Variants in SNTG1 observed in about 807,000 individuals in gnomAD.
The protein encoded by SNTG1 is gamma-1-syntrophin.
In SNTG1, 39 loss-of-function variants were observed where a neutral mutation model predicts 74.7. That is an observed-to-expected ratio of 0.52 (90% confidence interval 0.40 to 0.68). SNTG1 has a LOEUF of 0.68. Among genes scored for constraint, SNTG1 ranks in the 30% least tolerant of loss-of-function variants. The pLI, the probability that SNTG1 is intolerant of heterozygous loss-of-function variation, is 0.00. For missense variants in SNTG1, 685 were observed against 609.5 expected (o/e 1.12, Z -1.30); for synonymous variants, 254 against 217.1 (o/e 1.17, Z -1.49).
chr8:50,754,867 T>C (rs1223386419), intron 18 of SNTG1, among the ~76,000 whole-genome samples: 1 of 151,986 alleles, frequency 6.6e-6, no homozygotes, highest in Non-Finnish European at 1.5e-5. Flanking sequence ...TCTATTTTCA[T>C]CGGTTCAATA....
At chr8:50,023,187 C>A (rs1816974560) in intron 1 of SNTG1, among the ~76,000 whole-genome samples, 1 of 152,044 alleles carries the variant, frequency 6.6e-6, no homozygotes, top group Non-Finnish European at 1.5e-5. Flanking sequence ...TGGAGAGGGA[C>A]AGATGGAAGA....
intron 2 of SNTG1, among the ~76,000 whole-genome samples, chr8:50,321,364 T>C (rs2090521457): frequency 6.6e-6 from 1 of 152,098 alleles, no homozygotes; most frequent in African/African-American, 2.4e-5. Flanking sequence ...CCTCTTTTTT[T>C]GGTTTTAATT....
At chr8:50,534,860 G>A (rs1276210610) in intron 10 of SNTG1, among the ~76,000 whole-genome samples, 1 of 152,114 alleles carries the variant, frequency 6.6e-6, no homozygotes, top group Non-Finnish European at 1.5e-5. Flanking sequence ...GTTGCAAGTG[G>A]TGTAAGTCAA....
intron 1 of SNTG1, among the ~76,000 whole-genome samples, chr8:50,092,846 T>C (rs2079790753): frequency 6.6e-6 from 1 of 152,144 alleles, no homozygotes; most frequent in African/African-American, 2.4e-5. Context: ...ATTCTAGTAA[T>C]GCAAAGATAA....
intron 18 of SNTG1, among the ~76,000 whole-genome samples, chr8:50,756,067 T>G (rs2095579673): frequency 6.6e-6 from 1 of 151,888 alleles, no homozygotes; most frequent in African/African-American, 2.4e-5. Flanking sequence ...GTAAGGTATC[T>G]GTTAATGTTT....
intron 15 of SNTG1, among the ~76,000 whole-genome samples, chr8:50,696,913 C>T (rs1349839307): frequency 6.6e-6 from 1 of 151,854 alleles, no homozygotes; most frequent in Non-Finnish European, 1.5e-5. Context: ...TTTATGATTG[C>T]TTTGGCTAAT....
At chr8:50,644,928 T>A (rs539229956) in intron 13 of SNTG1, among the ~76,000 whole-genome samples, 2 of 151,720 alleles carry the variant, frequency 1.3e-5, no homozygotes, top group Non-Finnish European at 2.9e-5. Context: ...GCTTTTTTTT[T>A]TTTTTTTTCC....
intron 18 of SNTG1, among the ~76,000 whole-genome samples, chr8:50,757,166 C>T (rs1001841759): frequency 2.3e-4 from 35 of 151,812 alleles, no homozygotes; most frequent in Admixed American, 7.2e-4. Flanking sequence ...GTTTTTATCA[C>T]GCATGAGTGT....
intron 2 of SNTG1, among the ~76,000 whole-genome samples, chr8:50,212,508 A>G (rs886528106): frequency 2.0e-5 from 3 of 152,180 alleles, no homozygotes; most frequent in African/African-American, 7.2e-5. Context: ...TGATGTATAC[A>G]GAAAGATACA....
chr8:50,321,232 A>G (rs926181550), intron 2 of SNTG1, among the ~76,000 whole-genome samples: 14 of 152,138 alleles, frequency 9.2e-5, no homozygotes, highest in African/African-American at 3.4e-4. Flanking sequence ...GGGTGCATAT[A>G]TATGAACAAT....
chr8:50,536,955 G>A (rs1395106350), intron 11 of SNTG1, 147 bp downstream of exon 11: 1 of 1,037,156 alleles, frequency 9.6e-7, no homozygotes, highest in Non-Finnish European at 1.4e-6. Flanking sequence ...ATCTAACAAA[G>A]TTAAACACTT....
intron 1 of SNTG1, among the ~76,000 whole-genome samples, chr8:49,990,344 C>A (rs1813560219): frequency 6.6e-6 from 1 of 151,882 alleles, no homozygotes; most frequent in Admixed American, 6.6e-5. Context: ...GGCAACACGT[C>A]CCATATTGAT....
chr8:50,499,435 T>TC (rs201231306), intron 8 of SNTG1, among the ~76,000 whole-genome samples: 7,979 of 150,872 alleles, frequency 0.053, 330 homozygotes, highest in South Asian at 0.18. Context: ...TTTTTTTTTT[T>TC]GGTAGATTCT....
At chr8:49,966,961 A>G (rs1811199082) in intron 1 of SNTG1, among the ~76,000 whole-genome samples, 3 of 152,180 alleles carry the variant, frequency 2.0e-5, no homozygotes. Context: ...ATTTGCTAGC[A>G]AGATTTTTTT....
At chr8:50,784,313 A>G (rs2095668465) in intron 18 of SNTG1, among the ~76,000 whole-genome samples, 1 of 152,210 alleles carries the variant, frequency 6.6e-6, no homozygotes, top group South Asian at 2.1e-4. Context: ...TTTATAGCTA[A>G]ACACACATGT....
chr8:50,025,633 C>T (rs1036789796), intron 1 of SNTG1, among the ~76,000 whole-genome samples: 1 of 152,196 alleles, frequency 6.6e-6, no homozygotes. Context: ...ATTTTTAAGC[C>T]TTTCGATGGC....
chr8:50,331,194 C>T (rs1485249449), intron 2 of SNTG1, among the ~76,000 whole-genome samples: 3 of 152,114 alleles, frequency 2.0e-5, no homozygotes, highest in South Asian at 4.1e-4. Flanking sequence ...AAATAGCACA[C>T]AGACAGGTGG....
At chr8:50,503,718 C>T (rs2093983230) in intron 9 of SNTG1, among the ~76,000 whole-genome samples, 1 of 152,018 alleles carries the variant, frequency 6.6e-6, no homozygotes, top group African/African-American at 2.4e-5. Context: ...ATTTATATTG[C>T]TGTTTATTTT....
rs2095700854 is a variant in SNTG1 at position 50,794,798 on chromosome 8, A to G, written c.*1969A>G. Reference sequence around the variant, plus strand: ...TCTGGAAGGCAATATGACATGGGCTAATTATCCATAAGCAAAAGAAAAACG... The same window carrying G: ...TCTGGAAGGCAATATGACATGGGCTGATTATCCATAAGCAAAAGAAAAACG... On this transcript the variant is annotated 3_prime_UTR_variant, in exon 19 of 19. Coordinates refer to ENST00000642720, the MANE Select transcript of SNTG1 (RefSeq NM_018967.5). 1 of 152,030 alleles carries G rather than the reference A, an allele frequency of 6.6e-6. No homozygotes were observed. Among genetic ancestry groups the G allele is most frequent in the Non-Finnish European group, 1.5e-5 (1 of 67,958 alleles). 9.4% of individuals were successfully genotyped at this position (152,030 alleles called of 1,614,324 possible).
Sources: gnomAD v4.1 joint callset for allele counts (sites outside exome capture counted in the v4.1 genomes callset) on GRCh38, gnomAD v4.1.1 for gene constraint, MANE v1.5 for transcripts, NCBI Gene and HGNC (gene_info 2026-07-23, HGNC 2026-07-21) for gene names.